SOX5: variants seen among roughly 807,000 people sequenced by gnomAD.
SOX5 encodes the protein transcription factor SOX-5.
A neutral mutation model predicts 92.0 loss-of-function variants in SOX5; 9 were observed. The ratio of observed to expected loss-of-function variants is 0.10; its 90% CI spans 0.06 to 0.17. The LOEUF (loss-of-function observed/expected upper bound fraction) is 0.17. Among genes scored for constraint, SOX5 ranks in the 10% least tolerant of loss-of-function variants. The probability of loss-of-function intolerance (pLI) is 1.00; values close to 1 mark genes in which losing one functional copy is unlikely to be tolerated. For synonymous variants in SOX5, 344 were observed against 336.3 expected, an observed-to-expected ratio of 1.02 and a Z score of -0.25; for missense variants, 642 against 944.5, an observed-to-expected ratio of 0.68 and a Z score of 4.20.
intron 4 of SOX5, among the ~76,000 whole-genome samples, chr12:24,078,287 C>T (rs772129538): frequency 6.6e-6 from 1 of 151,610 alleles, no homozygotes; most frequent in Non-Finnish European, 1.5e-5. Flanking sequence ...GTGAAGTGGG[C>T]GTGATAATAC....
chr12:23,736,181 G>T (rs957590656), intron 5 of SOX5, among the ~76,000 whole-genome samples: 1 of 151,780 alleles, frequency 6.6e-6, no homozygotes, highest in African/African-American at 2.4e-5. Flanking sequence ...AAATCTCTTG[G>T]CCGGGTGTGG....
intron 4 of SOX5, among the ~76,000 whole-genome samples, chr12:24,140,445 T>C (rs754630864): frequency 6.6e-5 from 10 of 152,240 alleles, no homozygotes; most frequent in Non-Finnish European, 1.5e-4. Flanking sequence ...GATTTTATCA[T>C]GTATACCATT....
rs185710216 is a variant in SOX5, at chr12:24,444,835, A to G, written c.-250-76196T>C. ...TGGCTGAGGCCTCTGTTGCAACTGC[A>G]TCTCAATTCAACCTCTCTATCTGCC... On this transcript the variant is annotated intron_variant, in intron 1 of 4. Transcript: ENST00000446891. Among the ~76,000 whole-genome samples the G allele has an allele frequency of 5.6e-4, 86 of 152,298 alleles. 1 individual carries two copies. Among genetic ancestry groups the G allele is most frequent in the African/African-American group, 1.9e-3 (78 of 41,586 alleles).
chr12:24,493,838 T>C (rs369151231), intron 1 of SOX5, among the ~76,000 whole-genome samples: 1 of 149,994 alleles, frequency 6.7e-6, no homozygotes. Context: ...CACTCCAGCC[T>C]GGGTGACAGA....
chr12:24,169,989 T>G (rs1953890046), intron 4 of SOX5, among the ~76,000 whole-genome samples: 1 of 151,856 alleles, frequency 6.6e-6, no homozygotes, highest in Non-Finnish European at 1.5e-5. Flanking sequence ...GAGAAAGCAA[T>G]AACGGAAGCT....
intron 4 of SOX5, among the ~76,000 whole-genome samples, chr12:24,145,659 C>A (rs1951008259): frequency 1.3e-5 from 2 of 152,082 alleles, no homozygotes; most frequent in Non-Finnish European, 2.9e-5. Context: ...TCATACATGG[C>A]TGATTTTTTA....
At chr12:23,654,105 T>C (rs1008242106) in intron 7 of SOX5, among the ~76,000 whole-genome samples, 2 of 152,146 alleles carry the variant, frequency 1.3e-5, no homozygotes, top group African/African-American at 4.8e-5. Context: ...GTGCACGGTT[T>C]AATTCAAACA....
chr12:24,057,590 C>G (rs1305500607), intron 4 of SOX5, among the ~76,000 whole-genome samples: 1 of 151,902 alleles, frequency 6.6e-6, no homozygotes, highest in Non-Finnish European at 1.5e-5. Context: ...TAGTAGTAAC[C>G]GATAATATCA....
intron 4 of SOX5, among the ~76,000 whole-genome samples, chr12:24,036,984 G>T (rs927957065): frequency 1.1e-4 from 17 of 152,058 alleles, no homozygotes; most frequent in African/African-American, 3.6e-4. Flanking sequence ...TGTTATCAAT[G>T]TAAAGGCAAT....
chr12:24,492,309 T>C (rs1485470388), intron 1 of SOX5, among the ~76,000 whole-genome samples: 1 of 152,154 alleles, frequency 6.6e-6, no homozygotes, highest in Non-Finnish European at 1.5e-5. Context: ...TTTAGCCTCA[T>C]TCCCCCAATT....
chr12:24,002,118 C>T (rs1227327618), intron 4 of SOX5, among the ~76,000 whole-genome samples: 1 of 151,930 alleles, frequency 6.6e-6, no homozygotes, highest in East Asian at 1.9e-4. Context: ...GTTCTCAAAT[C>T]AATGACTTCA....
intron 4 of SOX5, among the ~76,000 whole-genome samples, chr12:24,157,571 T>C (rs915678171): frequency 3.9e-5 from 6 of 152,130 alleles, no homozygotes; most frequent in Non-Finnish European, 5.9e-5. Context: ...TTTGGTTGGA[T>C]AGATTGAAGA....
chr12:23,898,876 T>C (rs2097203384), intron 1 of SOX5, among the ~76,000 whole-genome samples: 2 of 152,158 alleles, frequency 1.3e-5, no homozygotes, highest in South Asian at 4.1e-4. Context: ...ATTTGTTAAA[T>C]CGTTATAATA....
intron 4 of SOX5, among the ~76,000 whole-genome samples, chr12:24,133,757 C>T (rs1033786569): frequency 2.6e-5 from 4 of 152,124 alleles, no homozygotes; most frequent in Non-Finnish European, 5.9e-5. Flanking sequence ...AGCTCCTGGC[C>T]CTCTCGGGTA....
intron 4 of SOX5, among the ~76,000 whole-genome samples, chr12:24,174,845 C>A (rs1398512225): frequency 1.3e-5 from 2 of 151,916 alleles, no homozygotes; most frequent in African/African-American, 4.8e-5. Flanking sequence ...AGAAAAGGGA[C>A]ACTGCTTAAT....
chr12:23,799,704 C>T (rs1213566418), intron 3 of SOX5, among the ~76,000 whole-genome samples: 2 of 151,810 alleles, frequency 1.3e-5, no homozygotes, highest in Admixed American at 1.3e-4. Flanking sequence ...ATAAAGTACA[C>T]AATAAAGAAA....
chr12:24,499,808 A>G lies in SOX5; in HGVS notation c.-251+62521T>C, dbSNP rs143440129. On this transcript the variant is annotated intron_variant, in intron 1 of 4. Transcript: ENST00000446891. ...TCCCAAAAGAGAACAGGAAGAGAAGAACTATGAACTTAGTGCTGTTAACTA... is the reference window on the plus strand; with the variant it reads ...TCCCAAAAGAGAACAGGAAGAGAAGGACTATGAACTTAGTGCTGTTAACTA... Among the ~76,000 whole-genome samples, 413 of 152,076 alleles carry G rather than the reference A, an allele frequency of 2.7e-3. 1 individual carries two copies. Among genetic ancestry groups the G allele is most frequent in the African/African-American group, 9.5e-3 (394 of 41,482 alleles).
At chr12:24,070,623 C>A (rs1482847209) in intron 4 of SOX5, among the ~76,000 whole-genome samples, 1 of 151,512 alleles carries the variant, frequency 6.6e-6, no homozygotes, top group African/African-American at 2.4e-5. Flanking sequence ...GATATTTTAA[C>A]CATGCCATTA....
At chr12:24,492,989 T>C (rs896237448) in intron 1 of SOX5, among the ~76,000 whole-genome samples, 7 of 152,220 alleles carry the variant, frequency 4.6e-5, no homozygotes, top group African/African-American at 1.7e-4. Flanking sequence ...CCTGATAATA[T>C]AACCTGGTCT....
Sources: gnomAD v4.1 joint callset for allele counts (sites outside exome capture counted in the v4.1 genomes callset) on GRCh38, gnomAD v4.1.1 for gene constraint, MANE v1.5 for transcripts, NCBI Gene and HGNC (gene_info 2026-07-23, HGNC 2026-07-21) for gene names.